The following GPC3 variants were observed in gnomAD, a reference collection of about 807,000 sequenced individuals.
The protein encoded by GPC3 is glypican 3, also known as glypican-3.
Under a neutral mutation model 34.4 loss-of-function variants are expected in GPC3, and 3 were observed. The ratio of observed to expected loss-of-function variants is 0.09; its 90% CI spans 0.04 to 0.23. The LOEUF is 0.23. GPC3 is among the 10% of genes least tolerant of loss of function. The pLI is 1.00. For missense variants in GPC3, 351 were observed against 445.6 expected, an observed-to-expected ratio of 0.79 and a Z score of 1.91; for synonymous variants, 177 against 174.0, an observed-to-expected ratio of 1.02 and a Z score of -0.13.
intron 2 of GPC3, among the ~76,000 whole-genome samples, chrX:133,866,858 C>A (rs1278174521): frequency 9.0e-6 from 1 of 110,796 alleles, no homozygotes; most frequent in African/African-American, 3.3e-5. Context: ...AGAAAAGAAC[C>A]AATTATTCTC....
chrX:133,752,526 C>G (rs1276355787), intron 3 of GPC3, among the ~76,000 whole-genome samples: 2 of 111,517 alleles, frequency 1.8e-5, no homozygotes, highest in Non-Finnish European at 3.8e-5. Flanking sequence ...ATTCTGCCAC[C>G]TCCTTCTACA....
chrX:133,978,421 T>C (rs2076525332), intron 1 of GPC3, among the ~76,000 whole-genome samples: 1 of 112,341 alleles, frequency 8.9e-6, no homozygotes, highest in African/African-American at 3.2e-5. Flanking sequence ...TATACATACA[T>C]GTATAATATA....
At chrX:133,671,677 C>A (rs756822224) in intron 5 of GPC3, among the ~76,000 whole-genome samples, 1 of 111,856 alleles carries the variant, frequency 8.9e-6, no homozygotes, top group South Asian at 3.8e-4. Flanking sequence ...CTTTCTTTTT[C>A]TTTTCTTTTT....
chrX:133,744,482 G>T (rs757925874), intron 3 of GPC3, among the ~76,000 whole-genome samples: 16 of 112,582 alleles, frequency 1.4e-4, no homozygotes, highest in Non-Finnish European at 2.6e-4. Flanking sequence ...ACGTCAGTTA[G>T]AATGGCAATC....
intron 6 of GPC3, among the ~76,000 whole-genome samples, chrX:133,616,450 T>C (rs771048389): frequency 1.1e-4 from 12 of 111,654 alleles, no homozygotes; most frequent in Non-Finnish European, 1.9e-4. Flanking sequence ...ACTCTTCAAA[T>C]TGATCTACAG....
At chrX:133,939,912 C>A (rs768168195) in intron 2 of GPC3, among the ~76,000 whole-genome samples, 3 of 111,047 alleles carry the variant, frequency 2.7e-5, no homozygotes, top group Non-Finnish European at 5.7e-5. Context: ...TTGTAAATAC[C>A]AGACAATTTC....
intron 6 of GPC3, among the ~76,000 whole-genome samples, chrX:133,604,034 A>G (rs910336609): frequency 9.0e-6 from 1 of 111,508 alleles, no homozygotes; most frequent in Admixed American, 9.6e-5. Context: ...TATCAGCCAC[A>G]CACTGTGCTG....
At chrX:133,951,093 T>A (rs189251672) in intron 2 of GPC3, among the ~76,000 whole-genome samples, 3,535 of 100,090 alleles carry the variant, frequency 0.035, 56 homozygotes, top group East Asian at 0.099. Context: ...TGTGTGTGTG[T>A]GAAGTGAAAG....
intron 2 of GPC3, among the ~76,000 whole-genome samples, chrX:133,894,343 G>C (rs1389736615): frequency 8.9e-6 from 1 of 112,061 alleles, no homozygotes; most frequent in Non-Finnish European, 1.9e-5. Context: ...ATGAATGTGT[G>C]TGAAATTATT....
At chrX:133,870,185 G>T (rs181342590) in intron 2 of GPC3, among the ~76,000 whole-genome samples, 50 of 111,459 alleles carry the variant, frequency 4.5e-4, no homozygotes, top group African/African-American at 1.6e-3. Context: ...TGCTGCAAAG[G>T]GAATGAATGG....
intron 2 of GPC3, among the ~76,000 whole-genome samples, chrX:133,891,799 CAAA>C (rs780717414): frequency 1.2e-4 from 5 of 42,198 alleles, no homozygotes; most frequent in Non-Finnish European, 1.3e-4. Context: ...GACCTTGTCT[CAAA>C]AAAAAAAAAA....
rs1277966080 is a variant in GPC3 at position 133,753,371 on chromosome X, C to A, written c.1032+111G>T. The A allele has an allele frequency of 1.2e-4, 72 of 601,866 alleles. No individual in the cohort carries two copies. In the East Asian group the frequency reaches 2.4e-3, roughly 20 times the overall value. 49.6% of individuals were successfully genotyped at this position (601,866 alleles called of 1,213,427 possible). ...TGTGAGGTCATTCAGTCCATCATCA[C>A]CCCTTCCCCACCTTCCAATTTTGTT... On this transcript the variant is annotated intron_variant, in intron 3 of 7. Transcript: ENST00000370818.
At chrX:133,738,625 C>A (rs899604875) in intron 3 of GPC3, among the ~76,000 whole-genome samples, 1 of 111,973 alleles carries the variant, frequency 8.9e-6, no homozygotes, top group African/African-American at 3.2e-5. Flanking sequence ...AATTCACACT[C>A]CAAAACAAAG....
intron 7 of GPC3, among the ~76,000 whole-genome samples, chrX:133,581,534 TA>T (rs1323862084): frequency 8.9e-6 from 1 of 112,537 alleles, no homozygotes; most frequent in Non-Finnish European, 1.9e-5. Context: ...TTTATTGGAA[TA>T]AAGGATGTGC....
chrX:133,834,423 T>C (rs1207525285), intron 2 of GPC3, among the ~76,000 whole-genome samples: 1 of 111,615 alleles, frequency 9.0e-6, no homozygotes, highest in African/African-American at 3.3e-5. Context: ...CCCTGGTAAG[T>C]TATTCATTTA....
chrX:133,829,922 G>A (rs1456715781), intron 2 of GPC3, among the ~76,000 whole-genome samples: 1 of 111,840 alleles, frequency 8.9e-6, no homozygotes, highest in East Asian at 2.8e-4. Flanking sequence ...ACATAGTAAA[G>A]ATGTAATCTT....
intron 2 of GPC3, among the ~76,000 whole-genome samples, chrX:133,873,251 C>A (rs1025832851): frequency 2.7e-5 from 3 of 111,825 alleles, no homozygotes; most frequent in Non-Finnish European, 3.8e-5. Context: ...AAACTCAAGG[C>A]AAATGAATTA....
At chrX:133,560,920 C>G (rs1369453255) in intron 7 of GPC3, among the ~76,000 whole-genome samples, 2 of 111,829 alleles carry the variant, frequency 1.8e-5, no homozygotes, top group African/African-American at 6.5e-5. Flanking sequence ...TCAAAGAGGT[C>G]AGATGCAATG....
chrX:133,548,648 T>G (rs774653671), intron 7 of GPC3, among the ~76,000 whole-genome samples: 1 of 111,862 alleles, frequency 8.9e-6, no homozygotes, highest in African/African-American at 3.2e-5. Flanking sequence ...TTTCTGAGTA[T>G]GAAATCTCTC....
Sources: allele counts gnomAD v4.1 joint callset (sites outside exome capture counted in the v4.1 genomes callset), GRCh38; gene constraint gnomAD v4.1.1; transcripts MANE v1.5; gene names NCBI Gene and HGNC (gene_info 2026-07-23, HGNC 2026-07-21).